PARP8: variants seen among roughly 807,000 people sequenced by gnomAD.
The protein encoded by PARP8 is poly(ADP-ribose) polymerase family member 8.
A neutral mutation model predicts 124.1 loss-of-function variants in PARP8; 51 were observed. That is an observed-to-expected ratio of 0.41 (90% CI 0.33 to 0.52). PARP8 has a LOEUF of 0.52. Among genes scored for constraint, PARP8 ranks in the 20% least tolerant of loss-of-function variants. The pLI is 0.21. For synonymous variants in PARP8, 391 were observed against 361.5 expected, an observed-to-expected ratio of 1.08 and a Z score of -0.93; for missense variants, 860 against 1,018.9, an observed-to-expected ratio of 0.84 and a Z score of 2.12.
intron 2 of PARP8, among the ~76,000 whole-genome samples, chr5:50,706,089 C>T (rs549802781): frequency 2.6e-5 from 4 of 152,186 alleles, no homozygotes; most frequent in South Asian, 2.1e-4. Flanking sequence ...AAATTCTACT[C>T]GAGGTAGAAA....
chr5:50,707,640 A>T (rs1754292945), intron 2 of PARP8, among the ~76,000 whole-genome samples: 2 of 151,124 alleles, frequency 1.3e-5, no homozygotes, highest in African/African-American at 2.4e-5. Flanking sequence ...AGAGAGAGAG[A>T]GAGAGAGAGA....
chr5:50,819,690 C>G (rs1745545340), intron 15 of PARP8, among the ~76,000 whole-genome samples: 1 of 152,050 alleles, frequency 6.6e-6, no homozygotes, highest in South Asian at 2.1e-4. Context: ...ATCCTCCCTC[C>G]TTGGCCTCCC....
chr5:50,775,705 T>C (rs181184943), intron 7 of PARP8, among the ~76,000 whole-genome samples: 9 of 152,368 alleles, frequency 5.9e-5, no homozygotes, highest in Non-Finnish European at 1.3e-4. Context: ...TAGTTCATTA[T>C]TGGTGTACAG....
chr5:50,677,172 G>A (rs903465802), intron 2 of PARP8, among the ~76,000 whole-genome samples: 5 of 152,068 alleles, frequency 3.3e-5, no homozygotes, highest in African/African-American at 1.2e-4. Flanking sequence ...TAGTCTGTAT[G>A]TATCTGTGTC....
intron 2 of PARP8, among the ~76,000 whole-genome samples, chr5:50,708,199 T>C (rs1408694795): frequency 6.6e-6 from 1 of 152,098 alleles, no homozygotes; most frequent in Non-Finnish European, 1.5e-5. Context: ...AAATTATCAA[T>C]AATGAATTAG....
intron 2 of PARP8, among the ~76,000 whole-genome samples, chr5:50,673,891 A>C (rs1167959996): frequency 6.6e-6 from 1 of 152,194 alleles, no homozygotes. Context: ...TCAATCCTAA[A>C]AATATTTTGT....
At chr5:50,745,187 G>T in intron 2 of PARP8, among the ~76,000 whole-genome samples, 1 of 152,144 alleles carries the variant, frequency 6.6e-6, no homozygotes, top group East Asian at 1.9e-4. Context: ...GTACGTTCAC[G>T]AACATGGGAA....
intron 14 of PARP8, among the ~76,000 whole-genome samples, chr5:50,797,932 C>T (rs1257675655): frequency 6.6e-6 from 1 of 152,042 alleles, no homozygotes; most frequent in Non-Finnish European, 1.5e-5. Context: ...TTCCATTATC[C>T]CCAAAAGAAA....
At chr5:50,741,548 AG>A (rs1416011482) in intron 2 of PARP8, among the ~76,000 whole-genome samples, 6 of 152,196 alleles carry the variant, frequency 3.9e-5, no homozygotes. Flanking sequence ...TTTAACTTAC[AG>A]TGTAATATTT....
At chr5:50,720,497 A>G (rs1755765580) in intron 2 of PARP8, among the ~76,000 whole-genome samples, 1 of 152,018 alleles carries the variant, frequency 6.6e-6, no homozygotes, top group Admixed American at 6.6e-5. Context: ...ACAAAAGGGA[A>G]GAATGGAAGA....
intron 2 of PARP8, among the ~76,000 whole-genome samples, chr5:50,726,676 T>A (rs1243134901): frequency 6.6e-6 from 1 of 152,176 alleles, no homozygotes; most frequent in African/African-American, 2.4e-5. Flanking sequence ...TCATGTAGAC[T>A]TGCTGGCTCC....
intron 15 of PARP8, among the ~76,000 whole-genome samples, chr5:50,818,069 C>A (rs951686956): frequency 2.8e-4 from 42 of 151,738 alleles, no homozygotes; most frequent in African/African-American, 8.2e-4. Context: ...TCAAAGAAGG[C>A]AGATATATGT....
chr5:50,796,956 AT>A (rs748251172), intron 12 of PARP8, 25 bp from the exon 13 acceptor site: 351 of 1,560,966 alleles, frequency 2.2e-4, no homozygotes, highest in African/African-American at 8.4e-4. Flanking sequence ...AAAAATTATC[AT>A]TTTTTTTTAC....
At chr5:50,770,283 T>C (rs994893481) in intron 7 of PARP8, among the ~76,000 whole-genome samples, 5 of 152,216 alleles carry the variant, frequency 3.3e-5, no homozygotes, top group East Asian at 1.9e-4. Flanking sequence ...GATTAACTTC[T>C]GTGAGCAAAG....
chr5:50,841,164 T>C (rs1407306302), intron 25 of PARP8, among the ~76,000 whole-genome samples: 3 of 151,884 alleles, frequency 2.0e-5, no homozygotes, highest in Non-Finnish European at 2.9e-5. Flanking sequence ...TTTCTAAAGC[T>C]TCTGTCTTGA....
At chr5:50,697,787 A>G (rs1753188396) in intron 2 of PARP8, among the ~76,000 whole-genome samples, 1 of 152,224 alleles carries the variant, frequency 6.6e-6, no homozygotes, top group Non-Finnish European at 1.5e-5. Flanking sequence ...TGATAGTAAT[A>G]GACGGAGGAT....
intron 14 of PARP8, among the ~76,000 whole-genome samples, chr5:50,814,641 C>T (rs1168025549): frequency 2.0e-5 from 3 of 152,064 alleles, no homozygotes; most frequent in African/African-American, 7.2e-5. Context: ...CATACATCCC[C>T]ACTGGTTAAG....
intron 14 of PARP8, among the ~76,000 whole-genome samples, chr5:50,807,127 T>C (rs1235822700): frequency 6.6e-6 from 1 of 151,942 alleles, no homozygotes; most frequent in Non-Finnish European, 1.5e-5. Flanking sequence ...ACATAAATCC[T>C]CTTTAACCTT....
At chr5:50,682,225 T>C (rs1751373517) in intron 2 of PARP8, among the ~76,000 whole-genome samples, 1 of 152,128 alleles carries the variant, frequency 6.6e-6, no homozygotes, top group Non-Finnish European at 1.5e-5. Context: ...TCTCCACTTT[T>C]CCTGAGTGGA....
Sources: gnomAD v4.1 joint callset for allele counts (sites outside exome capture counted in the v4.1 genomes callset) on GRCh38, gnomAD v4.1.1 for gene constraint, MANE v1.5 for transcripts, NCBI Gene and HGNC (gene_info 2026-07-23, HGNC 2026-07-21) for gene names.